ZZEF1: variants seen among roughly 807,000 people sequenced by gnomAD.
ZZEF1 encodes zinc finger ZZ-type and EF-hand domain-containing protein 1.
ZZEF1 carries 157 observed loss-of-function variants against 342.8 expected under a neutral mutation model. That is an observed-to-expected ratio of 0.46 (90% CI 0.40 to 0.52). ZZEF1 has a LOEUF of 0.52. ZZEF1 is among the 20% of genes least tolerant of loss of function. The probability of loss-of-function intolerance (pLI) is 0.00; values close to 1 mark genes in which losing one functional copy is unlikely to be tolerated. For missense variants in ZZEF1, 3,480 were observed against 3,725.6 expected (o/e 0.93, Z 1.72); for synonymous variants, 1,505 against 1,429.1 (o/e 1.05, Z -1.20).
chr17:4,088,854 C>T lies in ZZEF1; in HGVS notation c.2065G>A (p.Ala689Thr). 6.2e-7 allele frequency: 1 copy of T among 1,614,028 alleles called. No individual in the cohort carries two copies. Among genetic ancestry groups the T allele is most frequent in the East Asian group, 2.2e-5 (1 of 44,890 alleles). The change falls in exon 13 of 55, where the codon GCA becomes ACA. Residue 689 changes from alanine to threonine, a missense_variant. Physicochemically the swap from Ala to Thr is moderately conservative, Grantham distance 58 (BLOSUM62 0). Transcript: ENST00000381638. ...AAGCCTTGCACTCCCAAGCGCTCTG[C>T]TGACTCCTGACGGGTGCAGAGGAAC... ...VKFLCTRQES[A>T]ERLGVQGLTI...
At chr17:4,068,568 TA>T (rs34274386) in intron 26 of ZZEF1, among the ~76,000 whole-genome samples, 57,166 of 152,060 alleles carry the variant, frequency 0.38, 11,735 homozygotes, top group African/African-American at 0.55. Flanking sequence ...ATTACAGGCG[TA>T]AAGCCACTGC....
intron 34 of ZZEF1, among the ~76,000 whole-genome samples, chr17:4,052,389 G>C (rs1437968188): frequency 6.6e-6 from 1 of 152,160 alleles, no homozygotes; most frequent in Non-Finnish European, 1.5e-5. Context: ...CTGTTTGGTG[G>C]AAACAAGTCC....
chr17:4,064,849 AT>A lies in ZZEF1; in HGVS notation c.4250-21del. 5 of 1,343,906 alleles carry A rather than the reference AT, an allele frequency of 3.7e-6. No homozygotes were observed. The highest frequency in any genetic ancestry group is 2.3e-5 in the East Asian group (1 of 42,580). 83.2% of individuals were successfully genotyped at this position (1,343,906 alleles called of 1,614,324 possible). A position where few individuals can be genotyped will look rare whatever the true frequency, so the allele number is the denominator to read the frequency against. On this transcript the variant is annotated intron_variant, in intron 28 of 54. Coordinates refer to ENST00000381638, the MANE Select transcript of ZZEF1 (RefSeq NM_015113.4). ...CTTTTGCTAGATGCAAACAAGAATC[AT>A]AATTGAAAAAAAAAAAAGTTAAAAT...
chr17:4,062,638 A>C, intron 30 of ZZEF1, 115 bp downstream of exon 30: 1 of 1,230,536 alleles, frequency 8.1e-7, no homozygotes, highest in Admixed American at 2.8e-5. Flanking sequence ...ATTAACCAAA[A>C]ACGTACATTT....
intron 8 of ZZEF1, 52 bp downstream of exon 8, chr17:4,104,581 C>T (rs9907500): frequency 0.98 from 1,565,549 of 1,590,892 alleles, 773,485 homozygotes; most frequent in East Asian, 1. Context: ...AATGGTTTTA[C>T]GATTTGTCCA....
At chr17:4,126,848 T>C (rs2058580905) in intron 1 of ZZEF1, among the ~76,000 whole-genome samples, 1 of 152,022 alleles carries the variant, frequency 6.6e-6, no homozygotes, top group Admixed American at 6.6e-5. Context: ...ACACCTGTAA[T>C]TCCAGCTACT....
chr17:4,008,407 T>C lies in ZZEF1; in HGVS notation c.8805+476A>G, dbSNP rs1008722491. ...GATAAAGGTTTACACTTTTGCTTAA[T>C]TTTTAAATTGAAAATCTCGTTTCTA... is the stretch of plus-strand genomic sequence containing the variant. On this transcript the variant is annotated intron_variant, in intron 54 of 54. Transcript: ENST00000381638. The surrounding 1 kb of genome is among the most constrained non-coding windows in gnomAD (Gnocchi z 4.2). 3.7e-6 allele frequency: 2 copies of C among 535,740 alleles called. No homozygotes were observed. The highest frequency in any genetic ancestry group is 4.1e-5 in the African/African-American group (2 of 48,352). The allele number at this position is 535,740 out of a possible 1,614,324, so 33.2% of individuals were successfully genotyped here.
chr17:4,022,532 T>C (rs2056296475), intron 44 of ZZEF1, 177 bp downstream of exon 44: 2 of 775,052 alleles, frequency 2.6e-6, no homozygotes, highest in African/African-American at 3.5e-5. Context: ...CTGACAGGGG[T>C]AGACAGGTGT....
intron 5 of ZZEF1, among the ~76,000 whole-genome samples, chr17:4,111,544 A>C (rs1365798618): frequency 6.6e-6 from 1 of 151,574 alleles, no homozygotes; most frequent in African/African-American, 2.4e-5. Context: ...CTGTAATCGC[A>C]GCTACTCGGG....
In ZZEF1 at chr17:4,076,850, G is replaced by A. The variant is rs12051791; in HGVS notation, c.3111+18C>T. ...ACCCCCTTCCGGTTCTTTACAAATA[G>A]CTGCTAGTTTTTCTTACCAGTTGAC... On this transcript the variant is annotated intron_variant, in intron 20 of 54. Coordinates refer to ENST00000381638, the MANE Select transcript of ZZEF1 (RefSeq NM_015113.4). 1 of 1,613,906 alleles carries A rather than the reference G, an allele frequency of 6.2e-7. No homozygotes were observed. Among genetic ancestry groups the A allele is most frequent in the South Asian group, 1.1e-5 (1 of 91,056 alleles).
Position 4,006,730 on chromosome 17 carries a change from G to T in ZZEF1, c.*160C>A. On this transcript the variant is annotated 3_prime_UTR_variant, in exon 55 of 55. Coordinates refer to ENST00000381638, the MANE Select transcript of ZZEF1 (RefSeq NM_015113.4). The stretch of plus-strand genomic sequence containing the variant: ...CTGTGCTTGTGTCCAGCCTACGCAC[G>T]GGAGCTCTTGGAGACGTGGCTGCTT... The T allele has an allele frequency of 1.4e-6, 1 of 734,036 alleles. No homozygotes were observed. Among genetic ancestry groups the T allele is most frequent in the Non-Finnish European group, 2.4e-6 (1 of 415,106 alleles). 45.5% of individuals were successfully genotyped at this position (734,036 alleles called of 1,614,324 possible).
rs770806306 is a variant in ZZEF1 at position 4,105,767 on chromosome 17, T to C, written c.1320A>G (p.Gly440=). 2.5e-6 allele frequency: 4 copies of C among 1,613,298 alleles called. No homozygotes were observed. In the African/African-American group the frequency reaches 5.3e-5, roughly 22 times the overall value. ...AGAGGAAAGTTGAGAAATCTGTAGA[T>C]CCTGGTGAGAGAGAGAGTGGAGGCA... The part of the protein sequence containing the change: ...RHMPPLSLSP[G]STDFSTFLSP... Residue 440 remains glycine (G), a synonymous_variant, in exon 7 of 55, where the codon GGA becomes GGG. Coordinates refer to ENST00000381638, the MANE Select transcript of ZZEF1 (RefSeq NM_015113.4).
chr17:4,024,161 C>T (rs2056341832), intron 43 of ZZEF1, among the ~76,000 whole-genome samples: 1 of 144,794 alleles, frequency 6.9e-6, no homozygotes. Flanking sequence ...GTCAGCTGCT[C>T]ATCTCCATGC....
chr17:4,118,952 C>A (rs1021294476), intron 2 of ZZEF1, among the ~76,000 whole-genome samples: 4 of 152,156 alleles, frequency 2.6e-5, no homozygotes, highest in Non-Finnish European at 5.9e-5. Context: ...AGTGTGATAT[C>A]TTGTGGAAGG....
intron 16 of ZZEF1, among the ~76,000 whole-genome samples, chr17:4,083,866 T>C (rs948199348): frequency 1.3e-5 from 2 of 152,218 alleles, no homozygotes; most frequent in African/African-American, 4.8e-5. Context: ...GTCTGCTCAT[T>C]GGCTGTTGCA....
intron 1 of ZZEF1, among the ~76,000 whole-genome samples, chr17:4,136,056 G>A (rs569491356): frequency 2.8e-5 from 4 of 142,390 alleles, no homozygotes; most frequent in Non-Finnish European, 6.0e-5. Context: ...GCAGTGGTGC[G>A]ATCTCGGCTC....
chr17:4,059,529 T>C (rs995933910), intron 30 of ZZEF1, among the ~76,000 whole-genome samples: 1 of 152,162 alleles, frequency 6.6e-6, no homozygotes, highest in Non-Finnish European at 1.5e-5. Context: ...TTTATCTTCT[T>C]TGTGAATATA....
At chr17:4,021,074 G>A in intron 45 of ZZEF1, 55 bp downstream of exon 45, 1 of 1,524,134 alleles carries the variant, frequency 6.6e-7, no homozygotes, top group Non-Finnish European at 8.8e-7. Context: ...CCGGGCCAAA[G>A]AGAAGCCATC....
intron 3 of ZZEF1, among the ~76,000 whole-genome samples, chr17:4,114,705 G>A (rs551955654): frequency 9.2e-5 from 14 of 152,216 alleles, no homozygotes; most frequent in African/African-American, 2.9e-4. Context: ...ATTACCTGAC[G>A]TGAAGATCAT....
Sources: allele counts gnomAD v4.1 joint callset (sites outside exome capture counted in the v4.1 genomes callset), GRCh38; gene constraint gnomAD v4.1.1; non-coding constraint Gnocchi (gnomAD v3.1); transcripts MANE v1.5; gene names NCBI Gene and HGNC (gene_info 2026-07-23, HGNC 2026-07-21).